The following UIMC1 variants were observed in gnomAD, a reference collection of about 807,000 sequenced individuals.
UIMC1 encodes ubiquitin interaction motif containing 1.
UIMC1 carries 42 observed loss-of-function variants against 84.9 expected under a neutral mutation model. That is an observed-to-expected ratio of 0.49 (90% confidence interval 0.39 to 0.64). UIMC1 has a LOEUF of 0.64. Among genes scored for constraint, UIMC1 ranks in the 30% least tolerant of loss-of-function variants. The pLI is 0.00. For missense variants in UIMC1, 825 were observed against 847.6 expected (o/e 0.97, Z 0.33); for synonymous variants, 281 against 293.0 (o/e 0.96, Z 0.42).
chr5:176,918,718 C>T (rs982057151), intron 10 of UIMC1, among the ~76,000 whole-genome samples: 2 of 152,180 alleles, frequency 1.3e-5, no homozygotes, highest in African/African-American at 2.4e-5. Flanking sequence ...CACGATTACC[C>T]TGTCATATCT....
chr5:177,020,445 T>C (rs1775763903), intron 1 of UIMC1, among the ~76,000 whole-genome samples: 1 of 152,226 alleles, frequency 6.6e-6, no homozygotes, highest in Non-Finnish European at 1.5e-5. Flanking sequence ...CTTTTTTTGT[T>C]TTTGAGATGG....
At chr5:176,984,470 G>A (rs1330741892) in intron 1 of UIMC1, among the ~76,000 whole-genome samples, 1 of 149,018 alleles carries the variant, frequency 6.7e-6, no homozygotes, top group Non-Finnish European at 1.5e-5. Flanking sequence ...GGGATGTGAG[G>A]AGCGCCTCTG....
chr5:176,941,869 G>A (rs1764480655), intron 10 of UIMC1, among the ~76,000 whole-genome samples: 1 of 151,488 alleles, frequency 6.6e-6, no homozygotes, highest in Non-Finnish European at 1.5e-5. Context: ...TTGAGATGAA[G>A]TTTCACTCTT....
intron 11 of UIMC1, 70 bp downstream of exon 11, chr5:176,911,241 T>C (rs751223216): frequency 4.3e-5 from 56 of 1,288,858 alleles, no homozygotes; most frequent in Middle Eastern, 2.0e-4. Flanking sequence ...AGATAGGAAT[T>C]GGTCTTTTTA....
chr5:176,905,669 T>G, intron 14 of UIMC1, 177 bp from the exon 15 acceptor site: 1 of 680,462 alleles, frequency 1.5e-6, no homozygotes, highest in East Asian at 2.7e-5. Context: ...GGGTAAATCA[T>G]ATACTACTTA....
intron 1 of UIMC1, among the ~76,000 whole-genome samples, chr5:176,992,442 T>C (rs923921319): frequency 1.3e-5 from 2 of 148,460 alleles, no homozygotes; most frequent in African/African-American, 5.1e-5. Flanking sequence ...CTCAGCAACA[T>C]AGTGAGACCC....
At chr5:176,953,856 A>G (rs1304692423) in intron 8 of UIMC1, among the ~76,000 whole-genome samples, 2 of 152,208 alleles carry the variant, frequency 1.3e-5, no homozygotes, top group Non-Finnish European at 2.9e-5. Flanking sequence ...AATATGAAAC[A>G]AAAGTAAACA....
chr5:177,010,613 C>T (rs575474998), upstream of UIMC1, among the ~76,000 whole-genome samples: 24 of 152,054 alleles, frequency 1.6e-4, no homozygotes, highest in Non-Finnish European at 2.6e-4. Flanking sequence ...GATCTGCCTC[C>T]TGGGTTCAAG....
chr5:177,005,388 A>G (rs1775112451), intron 1 of UIMC1, among the ~76,000 whole-genome samples: 1 of 152,074 alleles, frequency 6.6e-6, no homozygotes, highest in Non-Finnish European at 1.5e-5. Flanking sequence ...AAGCGCTCTA[A>G]TAACTAAATA....
At chr5:176,927,303 G>C (rs1762502711) in intron 10 of UIMC1, among the ~76,000 whole-genome samples, 1 of 151,522 alleles carries the variant, frequency 6.6e-6, no homozygotes, top group Non-Finnish European at 1.5e-5. Flanking sequence ...GCCCAGGCTG[G>C]AGTGCAATGA....
chr5:176,947,683 T>C (rs937911751), intron 9 of UIMC1, among the ~76,000 whole-genome samples: 4 of 151,504 alleles, frequency 2.6e-5, no homozygotes, highest in African/African-American at 9.7e-5. Flanking sequence ...CCAGGCGTGG[T>C]GGTGGGCGCC....
intron 10 of UIMC1, among the ~76,000 whole-genome samples, chr5:176,930,441 G>C (rs78402966): frequency 0.028 from 4,204 of 152,244 alleles, 210 homozygotes; most frequent in African/African-American, 0.096. Flanking sequence ...CTAGGTACGT[G>C]ATCTTGGGGA....
intron 10 of UIMC1, among the ~76,000 whole-genome samples, chr5:176,916,253 C>A (rs913327984): frequency 6.6e-6 from 1 of 152,142 alleles, no homozygotes; most frequent in African/African-American, 2.4e-5. Context: ...CAAAAAGGAA[C>A]AATGGGGTCT....
chr5:176,996,484 C>G (rs1447940274), intron 1 of UIMC1, among the ~76,000 whole-genome samples: 2 of 152,154 alleles, frequency 1.3e-5, no homozygotes, highest in Non-Finnish European at 2.9e-5. Flanking sequence ...GTTGACAAAT[C>G]TCTTCTCAAG....
intron 1 of UIMC1, among the ~76,000 whole-genome samples, chr5:176,999,989 C>T (rs921196676): frequency 2.2e-4 from 33 of 152,146 alleles, no homozygotes; most frequent in Non-Finnish European, 2.9e-5. Flanking sequence ...GATGGAGTCT[C>T]GCTCTGTCAC....
chr5:176,983,280 T>C (rs548542399), intron 1 of UIMC1, among the ~76,000 whole-genome samples: 65 of 150,760 alleles, frequency 4.3e-4, no homozygotes, highest in African/African-American at 1.4e-3. Context: ...AGTCTCCCTC[T>C]GTTGCTGATA....
intron 1 of UIMC1, among the ~76,000 whole-genome samples, chr5:176,994,740 C>G (rs1434525795): frequency 6.6e-6 from 1 of 152,020 alleles, no homozygotes; most frequent in Non-Finnish European, 1.5e-5. Context: ...GGGAATGTGA[C>G]AGTGCGAAAC....
At chr5:176,970,717 A>G in intron 4 of UIMC1, 25 bp downstream of exon 4, 1 of 1,613,898 alleles carries the variant, frequency 6.2e-7, no homozygotes, top group Non-Finnish European at 8.5e-7. Flanking sequence ...AATCTCCACA[A>G]ACTTTTGCAA....
chr5:176,910,755 G>A (rs553136385), intron 11 of UIMC1, among the ~76,000 whole-genome samples: 4 of 152,212 alleles, frequency 2.6e-5, no homozygotes, highest in African/African-American at 2.4e-5. Context: ...ATTAAAAAGG[G>A]ATACAGAGGC....
Sources: allele counts gnomAD v4.1 joint callset (sites outside exome capture counted in the v4.1 genomes callset), GRCh38; gene constraint gnomAD v4.1.1; transcripts MANE v1.5; gene names NCBI Gene and HGNC (gene_info 2026-07-23, HGNC 2026-07-21).